CLTCL1: variants seen among roughly 807,000 people sequenced by gnomAD.
The protein encoded by CLTCL1 is clathrin heavy chain 2.
Under a neutral mutation model 190.0 loss-of-function variants are expected in CLTCL1, and 159 were observed. That is an observed-to-expected ratio of 0.84 (90% CI 0.74 to 0.95). The LOEUF (loss-of-function observed/expected upper bound fraction) is 0.95, where lower values mean the gene tolerates loss of function less well. CLTCL1 is among the 40% of genes least tolerant of loss of function. The probability of loss-of-function intolerance (pLI) is 0.00; values close to 1 mark genes in which losing one functional copy is unlikely to be tolerated. For missense variants in CLTCL1, 1,878 were observed against 2,033.4 expected, an observed-to-expected ratio of 0.92 and a Z score of 1.47; for synonymous variants, 752 against 769.6, an observed-to-expected ratio of 0.98 and a Z score of 0.38.
intron 5 of CLTCL1, among the ~76,000 whole-genome samples, chr22:19,236,463 T>C (rs1555962268): frequency 6.6e-6 from 1 of 152,168 alleles, no homozygotes; most frequent in Non-Finnish European, 1.5e-5. Flanking sequence ...TATTAACTTT[T>C]ACAGAAAAAT....
At chr22:19,253,796 C>T (rs1342554623) in intron 3 of CLTCL1, among the ~76,000 whole-genome samples, 163 bp downstream of exon 3, 7 of 151,896 alleles carry the variant, frequency 4.6e-5, no homozygotes, top group Admixed American at 4.6e-4. Flanking sequence ...AAACCCCTGA[C>T]CTCAAGAGAT....
intron 27 of CLTCL1, among the ~76,000 whole-genome samples, chr22:19,189,975 GTC>G (rs1396943735): frequency 2.6e-5 from 4 of 152,044 alleles, no homozygotes; most frequent in African/African-American, 9.7e-5. Flanking sequence ...TTGAGATGGA[GTC>G]TCTCTGTTGC....
In CLTCL1 at chr22:19,258,652, A is replaced by G. The variant is rs544558965; in HGVS notation, c.251-4425T>C. ...AATCTGGAGGCTGAGATCACCACCT[A>G]CCACCGCCTGCTGGAAGATGGGGAG... is the stretch of plus-strand genomic sequence containing the variant. On this transcript the variant is annotated intron_variant, in intron 2 of 32. Coordinates refer to ENST00000427926, the MANE Select transcript of CLTCL1 (RefSeq NM_007098.4). 203 of 637,668 alleles carry G rather than the reference A, an allele frequency of 3.2e-4. 2 individuals are homozygous for G. In the East Asian group the frequency reaches 6.3e-3, roughly 20 times the overall value. 39.5% of individuals were successfully genotyped at this position (637,668 alleles called of 1,614,324 possible). A position where few individuals can be genotyped will look rare whatever the true frequency, so the allele number is the denominator to read the frequency against.
intron 1 of CLTCL1, among the ~76,000 whole-genome samples, chr22:19,285,451 C>T (rs2087873780): frequency 6.6e-6 from 1 of 152,156 alleles, no homozygotes; most frequent in African/African-American, 2.4e-5. Context: ...TAATGCTTTA[C>T]AGAACTTCTC....
intron 29 of CLTCL1, chr22:19,184,972 T>A (rs1354292819): frequency 5.9e-6 from 1 of 169,452 alleles, no homozygotes; most frequent in Non-Finnish European, 1.3e-5. Flanking sequence ...CTGGTGGGTG[T>A]GGGAGGGCCC....
At chr22:19,220,113 G>A (rs2085521787) in intron 17 of CLTCL1, 106 bp from the exon 18 acceptor site, 2 of 1,403,652 alleles carry the variant, frequency 1.4e-6, no homozygotes, top group South Asian at 1.2e-5. Flanking sequence ...TGGTTTGGTG[G>A]ACAGTCAGGG....
intron 19 of CLTCL1, among the ~76,000 whole-genome samples, chr22:19,212,790 A>G (rs550360440): frequency 6.6e-4 from 100 of 152,328 alleles, no homozygotes; most frequent in African/African-American, 1.8e-3. Context: ...AATAAACTGG[A>G]CATTCATATG....
intron 27 of CLTCL1, 99 bp from the exon 28 acceptor site, chr22:19,188,190 G>GATACGGC: frequency 9.4e-7 from 1 of 1,061,350 alleles, no homozygotes; most frequent in South Asian, 1.3e-5. Context: ...CCACTTGAAT[G>GATACGGC]GTCCAGCTCT....
chr22:19,249,482 G>A (rs940027472), intron 3 of CLTCL1, among the ~76,000 whole-genome samples: 1 of 151,902 alleles, frequency 6.6e-6, no homozygotes, highest in Non-Finnish European at 1.5e-5. Context: ...AAATAACCTT[G>A]AGTAGTTTGA....
intron 23 of CLTCL1, among the ~76,000 whole-genome samples, chr22:19,200,154 G>A (rs1205916707): frequency 1.3e-5 from 2 of 152,194 alleles, no homozygotes; most frequent in Non-Finnish European, 2.9e-5. Context: ...GGTTTGAAAA[G>A]GAAGGCTAAA....
Position 19,222,800 on chromosome 22 carries a change from G to T in CLTCL1, c.2302C>A (p.Leu768Ile). The change falls in exon 15 of 33, where the codon CTC becomes ATC. Residue 768 changes from leucine to isoleucine, a missense_variant. By Grantham distance (5) the Leu-to-Ile change is conservative. Coordinates refer to ENST00000427926, the MANE Select transcript of CLTCL1 (RefSeq NM_007098.4). ...ATGATGAGGGGAAGCTGGTCTGTGA[G>T]CTTGGCCTCCTGAGGATTAGAATGC... Reference protein sequence around the residue: ...RVKNFLKEAKLTDQLPLIIVC... With the variant: ...RVKNFLKEAKITDQLPLIIVC... The T allele has an allele frequency of 6.3e-7, 1 of 1,597,892 alleles. No homozygotes were observed. Among genetic ancestry groups the T allele is most frequent in the Non-Finnish European group, 8.5e-7 (1 of 1,172,266 alleles).
chr22:19,270,915 C>T (rs1213688779), intron 2 of CLTCL1, among the ~76,000 whole-genome samples: 4 of 151,918 alleles, frequency 2.6e-5, no homozygotes, highest in African/African-American at 9.7e-5. Flanking sequence ...AGCTTGAAAA[C>T]TTGTCAAGTT....
At chr22:19,243,697 C>CTTTT (rs1175325908) in intron 3 of CLTCL1, among the ~76,000 whole-genome samples, 365 of 107,878 alleles carry the variant, frequency 3.4e-3, no homozygotes, top group South Asian at 4.0e-3. Flanking sequence ...TTCTTTCTTT[C>CTTTT]TTTTTTTTTT....
At chr22:19,191,789 A>G (rs1176229629) in intron 26 of CLTCL1, among the ~76,000 whole-genome samples, 4 of 152,218 alleles carry the variant, frequency 2.6e-5, no homozygotes, top group African/African-American at 9.6e-5. Flanking sequence ...GTATGTTTCC[A>G]TCCAAGCAAG....
intron 3 of CLTCL1, among the ~76,000 whole-genome samples, chr22:19,253,038 G>A (rs755849296): frequency 1.3e-5 from 2 of 149,988 alleles, no homozygotes; most frequent in Non-Finnish European, 3.0e-5. Flanking sequence ...AAAAAGGGAG[G>A]ACAAAAAGAT....
chr22:19,200,030 C>G (rs2084831290), intron 23 of CLTCL1, among the ~76,000 whole-genome samples, 189 bp from the exon 24 acceptor site: 1 of 152,180 alleles, frequency 6.6e-6, no homozygotes, highest in African/African-American at 2.4e-5. Context: ...CATTTGTAAT[C>G]TGCAGGCCAA....
chr22:19,262,983 A>AT (rs1241105662), intron 2 of CLTCL1, among the ~76,000 whole-genome samples: 26 of 151,452 alleles, frequency 1.7e-4, no homozygotes, highest in Non-Finnish European at 2.4e-4. Context: ...GAGAGTTGAG[A>AT]TAACGCCACT....
intron 13 of CLTCL1, among the ~76,000 whole-genome samples, chr22:19,224,963 G>A (rs1403188081): frequency 6.6e-6 from 1 of 152,136 alleles, no homozygotes; most frequent in East Asian, 1.9e-4. Context: ...CTTTTTTGGT[G>A]TGATGTCCAA....
intron 1 of CLTCL1, among the ~76,000 whole-genome samples, chr22:19,276,666 CTTAT>C (rs1300450069): frequency 4.6e-5 from 7 of 152,062 alleles, no homozygotes; most frequent in African/African-American, 1.2e-4. Context: ...TACTTATTTA[CTTAT>C]TTATTTATTT....
Sources: allele counts gnomAD v4.1 joint callset (sites outside exome capture counted in the v4.1 genomes callset), GRCh38; gene constraint gnomAD v4.1.1; transcripts MANE v1.5; gene names NCBI Gene and HGNC (gene_info 2026-07-23, HGNC 2026-07-21).